ZHX3: variants seen among roughly 807,000 people sequenced by gnomAD.
The protein encoded by ZHX3 is zinc fingers and homeoboxes 3.
A neutral mutation model predicts 64.5 loss-of-function variants in ZHX3; 20 were observed. The ratio of observed to expected loss-of-function variants is 0.31; its 90% CI spans 0.22 to 0.45. ZHX3 has a LOEUF of 0.45. Ranked by LOEUF, ZHX3 falls within the 20% of genes least tolerant of loss-of-function variation. The probability of loss-of-function intolerance (pLI) is 1.00; values close to 1 mark genes in which losing one functional copy is unlikely to be tolerated. For missense variants in ZHX3, 1,041 were observed against 1,195.8 expected, an observed-to-expected ratio of 0.87 and a Z score of 1.91; for synonymous variants, 423 against 461.6, an observed-to-expected ratio of 0.92 and a Z score of 1.07.
chr20:41,248,730 C>T lies in ZHX3; in HGVS notation c.-151+20260G>A, dbSNP rs149540310. ...CCTCTGTGGAATGAATGTGGGCAAT[C>T]GCTTTTGCAGTGTTTGACGATGCCA... is the stretch of plus-strand genomic sequence containing the variant. On this transcript the variant is annotated intron_variant, in intron 2 of 3. Coordinates refer to ENST00000683867, the MANE Select transcript of ZHX3 (RefSeq NM_001384317.1). Among the ~76,000 whole-genome samples, 402 of 152,320 alleles carry T rather than the reference C, an allele frequency of 2.6e-3. 3 individuals are homozygous for T. Among genetic ancestry groups the T allele is most frequent in the South Asian group, 0.016 (75 of 4,824 alleles).
chr20:41,300,087 TG>T (rs1044580477), intron 1 of ZHX3: 7 of 152,212 alleles, frequency 4.6e-5, no homozygotes, highest in African/African-American at 1.7e-4. Flanking sequence ...TTGCTGCCTT[TG>T]ACGGCTATCA....
intron 2 of ZHX3, among the ~76,000 whole-genome samples, chr20:41,221,732 G>A (rs1320406538): frequency 6.6e-6 from 1 of 152,220 alleles, no homozygotes; most frequent in East Asian, 1.9e-4. Context: ...ATGTGACACT[G>A]GAGCCAATAC....
At chr20:41,190,530 T>C (rs1487337921) in intron 3 of ZHX3, among the ~76,000 whole-genome samples, 1 of 152,222 alleles carries the variant, frequency 6.6e-6, no homozygotes, top group Non-Finnish European at 1.5e-5. Context: ...AGTTGTTTTA[T>C]ATATTTTTTT....
chr20:41,228,775 C>T lies in ZHX3; in HGVS notation c.-150-23709G>A, dbSNP rs1380537432. The stretch of plus-strand genomic sequence containing the variant: ...TGCACCATACATCCAGATTTCCAAG[C>T]ATACTTATTTTTTTCCTAGTTTCCT... On this transcript the variant is annotated intron_variant, in intron 2 of 3. Coordinates refer to ENST00000683867, the MANE Select transcript of ZHX3 (RefSeq NM_001384317.1). The surrounding 1 kb of genome is among the most constrained non-coding windows in gnomAD (Gnocchi z 4.6). Among the ~76,000 whole-genome samples the T allele has an allele frequency of 6.6e-6, 1 of 152,192 alleles. No homozygotes were observed. The highest frequency in any genetic ancestry group is 1.9e-4 in the East Asian group (1 of 5,206).
chr20:41,289,961 A>G (rs2044145928), intron 1 of ZHX3, among the ~76,000 whole-genome samples: 1 of 152,250 alleles, frequency 6.6e-6, no homozygotes, highest in South Asian at 2.1e-4. Flanking sequence ...TAATAACGCC[A>G]AACATTGGGG....
chr20:41,259,008 C>A (rs6129786), intron 2 of ZHX3, among the ~76,000 whole-genome samples: 38,945 of 151,454 alleles, frequency 0.26, 5,748 homozygotes, highest in East Asian at 0.73. Flanking sequence ...TAAAAAAAAA[C>A]CACATTTTCA....
At chr20:41,206,529 T>G (rs2038723884) in intron 2 of ZHX3, among the ~76,000 whole-genome samples, 1 of 152,210 alleles carries the variant, frequency 6.6e-6, no homozygotes. Context: ...GTAGCCGATT[T>G]GATCAAGTGG....
rs182453012 is a variant in ZHX3, at chr20:41,209,339, C to T, written c.-150-4273G>A. ...TTCTTCACAGAATTGGAAAAAACTA[C>T]TTTAAAGGTCATATGGAACAAAAAA... On this transcript the variant is annotated intron_variant, in intron 2 of 3. Transcript: ENST00000683867. 1.2e-4 allele frequency among the ~76,000 whole-genome samples: 18 copies of T among 152,268 alleles called. No individual in the cohort carries two copies. The East Asian group carries it at 3.3e-3, about 28-fold the overall frequency.
intron 1 of ZHX3, among the ~76,000 whole-genome samples, chr20:41,315,727 GA>G (rs1370154476): frequency 2.0e-5 from 3 of 151,698 alleles, no homozygotes. Context: ...ATAAGTCAAA[GA>G]AAAAAAGCAT....
At chr20:41,307,142 A>C (rs1043652312) in intron 1 of ZHX3, among the ~76,000 whole-genome samples, 1 of 152,168 alleles carries the variant, frequency 6.6e-6, no homozygotes, top group Non-Finnish European at 1.5e-5. Context: ...AGAAAGAGCC[A>C]CTCTGGACAT....
chr20:41,215,820 C>T (rs373983190), intron 2 of ZHX3, among the ~76,000 whole-genome samples: 180 of 147,366 alleles, frequency 1.2e-3, no homozygotes, highest in Admixed American at 9.0e-3. Context: ...GGCATTATGG[C>T]GGGCGCCTGT....
At chr20:41,296,815 C>T (rs2044553724) in intron 1 of ZHX3, among the ~76,000 whole-genome samples, 2 of 152,226 alleles carry the variant, frequency 1.3e-5, no homozygotes, top group Non-Finnish European at 2.9e-5. Flanking sequence ...ATTCATTCTA[C>T]TTGTGGCGTA....
intron 1 of ZHX3, among the ~76,000 whole-genome samples, chr20:41,301,586 C>G (rs2044807760): frequency 6.6e-6 from 1 of 152,164 alleles, no homozygotes. Context: ...GGCCCCCAAG[C>G]CCTTCCCAAG....
chr20:41,203,475 G>C lies in ZHX3; in HGVS notation c.1442C>G (p.Thr481Arg). Reference sequence around the variant, plus strand: ...TTGGGAGGTTATGCTGGGGCAGGCCGTGAGGAGCGACTGGGCCGCATTGAC... The same window carrying C: ...TTGGGAGGTTATGCTGGGGCAGGCCCTGAGGAGCGACTGGGCCGCATTGAC... ...KVVNAAQSLL[T>R]ACPSITSQAF... The change falls in exon 3 of 4, where the codon ACG becomes AGG. Residue 481 changes from threonine to arginine, a missense_variant. Thr to Arg is a moderately conservative substitution (Grantham distance 71). This residue lies in a region of ZHX3 where 649 missense variants were observed against 739.8 expected (regional missense o/e 0.88). Transcript: ENST00000683867. This position sits in a 1 kb window ranked among gnomAD's most constrained non-coding sequence, Gnocchi z 7.1. The C allele has an allele frequency of 6.2e-7, 1 of 1,614,218 alleles. No individual in the cohort carries two copies. The highest frequency in any genetic ancestry group is 8.5e-7 in the Non-Finnish European group (1 of 1,180,032).
intron 2 of ZHX3, among the ~76,000 whole-genome samples, chr20:41,261,953 A>G (rs2042582668): frequency 6.6e-6 from 1 of 151,912 alleles, no homozygotes; most frequent in Non-Finnish European, 1.5e-5. Flanking sequence ...CCCAATCCAC[A>G]CCCTTTATGC....
At chr20:41,283,949 C>G (rs1041584922) in intron 1 of ZHX3, among the ~76,000 whole-genome samples, 2 of 152,084 alleles carry the variant, frequency 1.3e-5, no homozygotes, top group African/African-American at 4.8e-5. Flanking sequence ...ACTCTCTGTA[C>G]TTCTGTATCT....
At position 41,204,760 on chromosome 20, in the gene ZHX3, C is replaced by G; in HGVS notation, c.157G>C (p.Ala53Pro). 1 of 1,614,104 alleles carries G rather than the reference C, an allele frequency of 6.2e-7. No homozygotes were observed. Among genetic ancestry groups the G allele is most frequent in the Non-Finnish European group, 8.5e-7 (1 of 1,179,964 alleles). The change falls in exon 3 of 4, where the codon GCA becomes CCA. Residue 53 changes from alanine to proline, a missense_variant. Coordinates refer to ENST00000683867, the MANE Select transcript of ZHX3 (RefSeq NM_001384317.1). This position sits in a 1 kb window ranked among gnomAD's most constrained non-coding sequence, Gnocchi z 6.6. ...PEASAASSEAAQNPSSTDGST... is the reference protein window; with the variant it reads ...PEASAASSEAPQNPSSTDGST... ...CCATCAGTACTGCTGGGGTTCTGTG[C>G]TGCCTCACTGCTGGCAGCAGATGCT...
intron 1 of ZHX3, among the ~76,000 whole-genome samples, chr20:41,315,684 A>G (rs1342785156): frequency 6.6e-6 from 1 of 152,146 alleles, no homozygotes; most frequent in Non-Finnish European, 1.5e-5. Context: ...GTTCCTACTC[A>G]TAAAACAAAG....
chr20:41,207,766 A>C (rs1284981090), intron 2 of ZHX3, among the ~76,000 whole-genome samples: 1 of 152,360 alleles, frequency 6.6e-6, no homozygotes, highest in African/African-American at 2.4e-5. Flanking sequence ...TTGACACCCT[A>C]ACATCACAAT....
Sources: gnomAD v4.1 joint callset for allele counts (sites outside exome capture counted in the v4.1 genomes callset) on GRCh38, gnomAD v4.1.1 for gene constraint, gnomAD v4.1.1 regional missense constraint, Gnocchi (gnomAD v3.1) non-coding constraint, MANE v1.5 for transcripts, NCBI Gene and HGNC (gene_info 2026-07-23, HGNC 2026-07-21) for gene names.